Variants in MACROD2 observed in about 807,000 individuals in gnomAD.
MACROD2 encodes the protein ADP-ribose glycohydrolase MACROD2.
Under a neutral mutation model 70.4 loss-of-function variants are expected in MACROD2, and 36 were observed. The ratio of observed to expected loss-of-function variants is 0.51; its 90% CI spans 0.39 to 0.68. The LOEUF is 0.68. Among genes scored for constraint, MACROD2 ranks in the 30% least tolerant of loss-of-function variants. The pLI, the probability that MACROD2 is intolerant of heterozygous loss-of-function variation, is 0.00. For synonymous variants in MACROD2, 172 were observed against 178.8 expected (o/e 0.96, Z 0.30); for missense variants, 496 against 538.4 (o/e 0.92, Z 0.78).
chr20:15,623,592 C>T (rs905899747), intron 8 of MACROD2, among the ~76,000 whole-genome samples: 3 of 152,142 alleles, frequency 2.0e-5, no homozygotes, highest in Non-Finnish European at 4.4e-5. Context: ...GATATGGGGA[C>T]GCTATGGGCT....
At chr20:14,295,354 T>C (rs2082418309) in intron 3 of MACROD2, among the ~76,000 whole-genome samples, 1 of 151,834 alleles carries the variant, frequency 6.6e-6, no homozygotes, top group African/African-American at 2.4e-5. Context: ...CAACAGGCAA[T>C]GTAGGACTGT....
At chr20:14,027,768 T>C (rs2053191653) in intron 2 of MACROD2, among the ~76,000 whole-genome samples, 2 of 152,228 alleles carry the variant, frequency 1.3e-5, no homozygotes, top group Admixed American at 1.3e-4. Context: ...GATTGCTGCC[T>C]GTTCCTTCCT....
At chr20:14,881,448 A>G (rs931335171) in intron 5 of MACROD2, among the ~76,000 whole-genome samples, 62 of 151,958 alleles carry the variant, frequency 4.1e-4, no homozygotes, top group African/African-American at 1.4e-3. Context: ...CTTCAAATCT[A>G]TAAAACGAGA....
chr20:15,467,467 C>T (rs2046909225), intron 7 of MACROD2, among the ~76,000 whole-genome samples: 2 of 152,222 alleles, frequency 1.3e-5, no homozygotes, highest in Admixed American at 1.3e-4. Context: ...TTTCCTACCT[C>T]TCCAAGGCGA....
At chr20:15,502,179 A>G (rs1222543213) in intron 8 of MACROD2, among the ~76,000 whole-genome samples, 1 of 152,236 alleles carries the variant, frequency 6.6e-6, no homozygotes, top group Non-Finnish European at 1.5e-5. Context: ...AAACAGGGCA[A>G]TTGGAGAATG....
intron 5 of MACROD2, among the ~76,000 whole-genome samples, chr20:14,891,666 G>A (rs978531426): frequency 6.6e-6 from 1 of 152,006 alleles, no homozygotes; most frequent in Non-Finnish European, 1.5e-5. Context: ...GAAAACAGAG[G>A]GAACAGTGCT....
chr20:14,665,953 C>T (rs535070148), intron 4 of MACROD2, among the ~76,000 whole-genome samples: 9 of 152,226 alleles, frequency 5.9e-5, no homozygotes, highest in Admixed American at 4.6e-4. Flanking sequence ...TTACTTTCAA[C>T]AGAAACTGTC....
chr20:15,399,548 T>C (rs946842242), intron 6 of MACROD2, among the ~76,000 whole-genome samples: 5 of 152,240 alleles, frequency 3.3e-5, no homozygotes, highest in East Asian at 1.9e-4. Flanking sequence ...CTAGAACATA[T>C]ATAATTTCAG....
intron 5 of MACROD2, among the ~76,000 whole-genome samples, chr20:14,938,374 T>G (rs1247546958): frequency 6.6e-6 from 1 of 152,142 alleles, no homozygotes; most frequent in Non-Finnish European, 1.5e-5. Context: ...GTCTTTTTGA[T>G]AACAGCCATT....
chr20:14,337,613 A>C (rs1019648602), intron 3 of MACROD2: 1 of 398,488 alleles, frequency 2.5e-6, no homozygotes, highest in African/African-American at 2.1e-5. Context: ...TTTACTGCAC[A>C]CAGCCCACCT....
chr20:14,016,693 A>G (rs1039399037), intron 2 of MACROD2, among the ~76,000 whole-genome samples: 4 of 152,142 alleles, frequency 2.6e-5, no homozygotes, highest in East Asian at 1.9e-4. Context: ...TTGAAAATCA[A>G]TTTGAAAAAA....
intron 5 of MACROD2, among the ~76,000 whole-genome samples, chr20:15,022,023 A>G (rs963711516): frequency 2.6e-5 from 4 of 152,194 alleles, no homozygotes; most frequent in Admixed American, 2.0e-4. Context: ...TTAAAAAAAT[A>G]CATACATTTA....
intron 15 of MACROD2, among the ~76,000 whole-genome samples, chr20:15,988,015 C>A (rs1017686362): frequency 6.6e-6 from 1 of 152,092 alleles, no homozygotes; most frequent in African/African-American, 2.4e-5. Flanking sequence ...AATTAAAACT[C>A]AGACATGATC....
chr20:14,998,900 T>C (rs998138512), intron 5 of MACROD2, among the ~76,000 whole-genome samples: 3 of 152,146 alleles, frequency 2.0e-5, no homozygotes, highest in African/African-American at 7.2e-5. Context: ...AAGAAACAAC[T>C]AACATACAAT....
At chr20:14,971,603 G>C (rs2074692143) in intron 5 of MACROD2, among the ~76,000 whole-genome samples, 1 of 151,992 alleles carries the variant, frequency 6.6e-6, no homozygotes, top group Non-Finnish European at 1.5e-5. Context: ...GTTCACTGGG[G>C]CAGGTCTCAC....
At chr20:15,935,919 C>T (rs1389198159) in intron 11 of MACROD2, among the ~76,000 whole-genome samples, 2 of 152,112 alleles carry the variant, frequency 1.3e-5, no homozygotes, top group Non-Finnish European at 2.9e-5. Context: ...TTGGGACGGA[C>T]TCTCTGAGGA....
At chr20:14,622,433 A>G (rs1983885687) in intron 4 of MACROD2, among the ~76,000 whole-genome samples, 1 of 152,178 alleles carries the variant, frequency 6.6e-6, no homozygotes, top group Non-Finnish European at 1.5e-5. Flanking sequence ...AACTAGGAAC[A>G]TAGGATAGAT....
intron 5 of MACROD2, among the ~76,000 whole-genome samples, chr20:14,926,145 A>G (rs577604985): frequency 1.3e-5 from 2 of 152,064 alleles, no homozygotes; most frequent in East Asian, 1.9e-4. Context: ...CCATCTTCAC[A>G]CTTTTGCCTA....
At chr20:14,718,284 C>G (rs2071420158) in intron 5 of MACROD2, among the ~76,000 whole-genome samples, 1 of 86,062 alleles carries the variant, frequency 1.2e-5, no homozygotes, top group Non-Finnish European at 2.1e-5. Context: ...CAGAGAGAGA[C>G]TCTGTCTCAA....
Sources: allele counts gnomAD v4.1 joint callset (sites outside exome capture counted in the v4.1 genomes callset), GRCh38; gene constraint gnomAD v4.1.1; transcripts MANE v1.5; gene names NCBI Gene and HGNC (gene_info 2026-07-23, HGNC 2026-07-21).